MYCBP2: variants seen among roughly 807,000 people sequenced by gnomAD.
The protein encoded by MYCBP2 is MYC binding protein 2.
Under a neutral mutation model 525.3 loss-of-function variants are expected in MYCBP2, and 120 were observed. The observed-to-expected ratio is 0.23, with a 90% CI of 0.20 to 0.27. The LOEUF is 0.27. Ranked by LOEUF, MYCBP2 falls within the 10% of genes least tolerant of loss-of-function variation. MYCBP2 has a pLI of 1.00. For missense variants in MYCBP2, 4,149 were observed against 5,657.1 expected (o/e 0.73, Z 8.55); for synonymous variants, 1,894 against 1,955.8 (o/e 0.97, Z 0.83).
At chr13:77,280,058 A>G (rs1267034046) in intron 3 of MYCBP2, among the ~76,000 whole-genome samples, 1 of 152,190 alleles carries the variant, frequency 6.6e-6, no homozygotes, top group Non-Finnish European at 1.5e-5. Context: ...ATATTTGTTT[A>G]ATTTATTCAC....
chr13:77,237,442 G>T (rs968483777), intron 17 of MYCBP2, among the ~76,000 whole-genome samples: 2 of 151,186 alleles, frequency 1.3e-5, no homozygotes, highest in African/African-American at 4.9e-5. Context: ...GGAAGGTAGG[G>T]GTACAATACA....
rs2067394588 is a variant in MYCBP2, at chr13:77,233,358, T to C, written c.2630-95A>G. On this transcript the variant is annotated intron_variant, in intron 17 of 82. Transcript: ENST00000544440. ...AATTCAAACTAAAAAGCATAAAAATTTATTCTTAACGGTTTTGGACATTAT... is the reference window on the plus strand; with the variant it reads ...AATTCAAACTAAAAAGCATAAAAATCTATTCTTAACGGTTTTGGACATTAT... 8.8e-6 allele frequency: 9 copies of C among 1,028,066 alleles called. No individual in the cohort carries two copies. In the South Asian group the frequency reaches 1.1e-4, roughly 13 times the overall value. 63.7% of individuals were successfully genotyped at this position (1,028,066 alleles called of 1,614,324 possible).
intron 82 of MYCBP2, among the ~76,000 whole-genome samples, chr13:77,049,024 G>C (rs989205670): frequency 1.3e-5 from 2 of 152,130 alleles, no homozygotes; most frequent in Non-Finnish European, 2.9e-5. Flanking sequence ...CAGGTCATAT[G>C]GCTACAACGT....
intron 4 of MYCBP2, among the ~76,000 whole-genome samples, chr13:77,276,852 G>A (rs2075674071): frequency 7.3e-6 from 1 of 137,538 alleles, no homozygotes; most frequent in South Asian, 2.3e-4. Flanking sequence ...AGAGATAGGG[G>A]TCTAAGTTGC....
intron 16 of MYCBP2, among the ~76,000 whole-genome samples, chr13:77,243,376 G>A (rs1047533127): frequency 1.3e-5 from 2 of 152,160 alleles, no homozygotes; most frequent in Non-Finnish European, 2.9e-5. Flanking sequence ...ACTTTGGGAG[G>A]CCAAGGTGGG....
At chr13:77,110,803 A>G (rs900141929) in intron 55 of MYCBP2, among the ~76,000 whole-genome samples, 1 of 152,176 alleles carries the variant, frequency 6.6e-6, no homozygotes, top group Non-Finnish European at 1.5e-5. Flanking sequence ...GGTTCCCCCA[A>G]TACAGACTCT....
chr13:77,098,850 T>G lies in MYCBP2; in HGVS notation c.8304A>C (p.Glu2768Asp). Residue 2768 changes from glutamate (E) to aspartate (D), a missense_variant, in exon 56 of 83, where the codon GAA becomes GAC. By Grantham distance (45) the Glu-to-Asp change is conservative (BLOSUM62 2). This residue lies in a region of MYCBP2 where 653 missense variants were observed against 744.7 expected (regional missense o/e 0.88). Coordinates refer to ENST00000544440, the MANE Select transcript of MYCBP2 (RefSeq NM_015057.5). ...PRGTESLSAS[E>D]SLILKSDAAK... ...CAGCATCAGATTTTAAGATGAGGGA[T>G]TCACTAGCAGATAAACTTTCTGTGC... The G allele has an allele frequency of 6.2e-7, 1 of 1,613,672 alleles. No homozygotes were observed. The highest frequency in any genetic ancestry group is 8.5e-7 in the Non-Finnish European group (1 of 1,179,754).
chr13:77,135,275 A>G (rs892465741), intron 52 of MYCBP2, among the ~76,000 whole-genome samples: 2 of 152,222 alleles, frequency 1.3e-5, no homozygotes, highest in African/African-American at 4.8e-5. Flanking sequence ...TTTACAATTA[A>G]CAGCCATGAT....
At chr13:77,297,363 G>T (rs1269713164) in intron 1 of MYCBP2, among the ~76,000 whole-genome samples, 3 of 152,172 alleles carry the variant, frequency 2.0e-5, no homozygotes, top group Admixed American at 2.0e-4. Flanking sequence ...GAAAAAGACA[G>T]TTCTTGTCCC....
In MYCBP2 at chr13:77,166,559, G is replaced by A; in HGVS notation, c.6115-5C>T. The A allele has an allele frequency of 1.2e-6, 2 of 1,604,460 alleles. No individual in the cohort carries two copies. Among genetic ancestry groups the A allele is most frequent in the South Asian group, 1.1e-5 (1 of 90,128 alleles). On this transcript the variant is annotated splice_region_variant and splice_polypyrimidine_tract_variant and intron_variant, in intron 40 of 82. Transcript: ENST00000544440. ...CACACATTCTGGGAATGTCACCTGA[G>A]GTCAACAGGCAAAGTGACATGAATA... is the stretch of plus-strand genomic sequence containing the variant.
chr13:77,124,647 C>A lies in MYCBP2; in HGVS notation c.8017+689G>T, dbSNP rs183768560. Among the ~76,000 whole-genome samples, 34 of 152,252 alleles carry A rather than the reference C, an allele frequency of 2.2e-4. No homozygotes were observed. The East Asian group carries it at 6.4e-3, about 28-fold the overall frequency. On this transcript the variant is annotated intron_variant, in intron 54 of 82. Coordinates refer to ENST00000544440, the MANE Select transcript of MYCBP2 (RefSeq NM_015057.5). Reference sequence around the variant, plus strand: ...TCATAACTGGGTATGAAGAAATAAACATGAACTTCACTATGACACTATTGT... The same window carrying A: ...TCATAACTGGGTATGAAGAAATAAAAATGAACTTCACTATGACACTATTGT...
intron 78 of MYCBP2, 88 bp from the exon 79 acceptor site, chr13:77,057,181 C>T: frequency 2.3e-6 from 2 of 882,892 alleles, no homozygotes; most frequent in Non-Finnish European, 3.6e-6. Flanking sequence ...CAAGGCACTA[C>T]TTAAAGCAGG....
At chr13:77,093,129 A>G in intron 59 of MYCBP2, 36 bp downstream of exon 59, 1 of 1,558,412 alleles carries the variant, frequency 6.4e-7, no homozygotes, top group South Asian at 1.2e-5. Flanking sequence ...TCCACCAAAC[A>G]CTAGCTATTC....
At chr13:77,088,722 G>T in intron 61 of MYCBP2, 110 bp downstream of exon 61, 1 of 871,470 alleles carries the variant, frequency 1.1e-6, no homozygotes, top group Non-Finnish European at 1.8e-6. Context: ...ATTGGCTAAT[G>T]CCTTTTAATT....
Position 77,168,508 on chromosome 13 carries a change from A to G in MYCBP2, c.6034T>C (p.Ser2012Pro). 1 of 1,614,130 alleles carries G rather than the reference A, an allele frequency of 6.2e-7. No individual in the cohort carries two copies. The highest frequency in any genetic ancestry group is 8.5e-7 in the Non-Finnish European group (1 of 1,180,022). Residue 2012 changes from serine (S) to proline (P), a missense_variant, in exon 40 of 83, where the codon TCT becomes CCT. This residue lies in a region of MYCBP2 where 692 missense variants were observed against 852.7 expected (regional missense o/e 0.81). Transcript: ENST00000544440. Reference protein sequence around the residue: ...TTGNQPEQGLSACTTSSHYAV... With the variant: ...TTGNQPEQGLPACTTSSHYAV... ...TAGTGACTGGAGGTTGTACAAGCAG[A>G]GAGGCCCTGTTCAGGCTGGTTTCCT...
chr13:77,313,413 T>C (rs1458535346), intron 1 of MYCBP2, among the ~76,000 whole-genome samples: 1 of 152,012 alleles, frequency 6.6e-6, no homozygotes, highest in African/African-American at 2.4e-5. Context: ...AAGCCAAAAG[T>C]TGGTTCTTTG....
At chr13:77,152,004 G>C (rs531356411) in intron 46 of MYCBP2, among the ~76,000 whole-genome samples, 1 of 152,208 alleles carries the variant, frequency 6.6e-6, no homozygotes, top group South Asian at 2.1e-4. Flanking sequence ...GGCAAGAACA[G>C]GTAATTCAAC....
At chr13:77,159,104 A>G (rs1174674591) in intron 44 of MYCBP2, among the ~76,000 whole-genome samples, 1 of 152,218 alleles carries the variant, frequency 6.6e-6, no homozygotes, top group Non-Finnish European at 1.5e-5. Flanking sequence ...ATACAGTTTC[A>G]AAAATAATCA....
At chr13:77,186,156 C>G in intron 30 of MYCBP2, 93 bp from the exon 31 acceptor site, 2 of 910,756 alleles carry the variant, frequency 2.2e-6, no homozygotes, top group Non-Finnish European at 3.1e-6. Flanking sequence ...AACTTCAAAA[C>G]TTTCTTTTGA....
Sources: allele counts gnomAD v4.1 joint callset (sites outside exome capture counted in the v4.1 genomes callset), GRCh38; gene constraint gnomAD v4.1.1; regional missense constraint gnomAD v4.1.1; transcripts MANE v1.5; gene names NCBI Gene and HGNC (gene_info 2026-07-23, HGNC 2026-07-21).